The following TMEM260 variants were observed in gnomAD, a reference collection of about 807,000 sequenced individuals.
The protein encoded by TMEM260 is transmembrane protein 260.
TMEM260 carries 82 observed loss-of-function variants against 88.9 expected under a neutral mutation model. The observed-to-expected ratio is 0.92, with a 90% CI of 0.77 to 1.11. TMEM260 has a LOEUF of 1.11. TMEM260 is among the 50% of genes least tolerant of loss of function. The pLI is 0.00. For synonymous variants in TMEM260, 314 were observed against 309.3 expected (o/e 1.02, Z -0.16); for missense variants, 902 against 853.4 (o/e 1.06, Z -0.71).
chr14:56,649,768 G>A (rs1327350734), downstream of TMEM260, among the ~76,000 whole-genome samples: 3 of 152,112 alleles, frequency 2.0e-5, no homozygotes, highest in African/African-American at 4.8e-5. Context: ...TATGTGTATG[G>A]CTGAATGTGC....
chr14:56,624,515 G>A (rs567806356), intron 11 of TMEM260, among the ~76,000 whole-genome samples: 5 of 152,328 alleles, frequency 3.3e-5, no homozygotes, highest in Admixed American at 6.5e-5. Flanking sequence ...CTTGCAGTGG[G>A]CTGAGATCAT....
In TMEM260 at chr14:56,621,612, C is replaced by G; in HGVS notation, c.1308C>G (p.Ile436Met). 6.2e-7 allele frequency: 1 copy of G among 1,613,632 alleles called. No homozygotes were observed. The highest frequency in any genetic ancestry group is 8.5e-7 in the Non-Finnish European group (1 of 1,179,766). Residue 436 changes from isoleucine to methionine, a missense_variant, in exon 11 of 16, where the codon ATC (isoleucine) becomes ATG (methionine). Ile to Met is a conservative substitution (Grantham distance 10, BLOSUM62 1). Coordinates refer to ENST00000261556, the MANE Select transcript of TMEM260 (RefSeq NM_017799.4). Reference sequence around the variant, plus strand: ...CCTCTATGCCTCATGATGCAATTATCTTACTCAGAGGAGATTTGCCAGGAA... The same window carrying G: ...CCTCTATGCCTCATGATGCAATTATGTTACTCAGAGGAGATTTGCCAGGAA... ...LLTSMPHDAI[I>M]LLRGDLPGNS...
chr14:56,627,185 A>T (rs1254801914), intron 12 of TMEM260, among the ~76,000 whole-genome samples: 1 of 152,208 alleles, frequency 6.6e-6, no homozygotes, highest in African/African-American at 2.4e-5. Context: ...TGACTAACAA[A>T]GATCACTGCA....
intron 11 of TMEM260, 30 bp downstream of exon 11, chr14:56,621,732 T>C: frequency 1.3e-6 from 2 of 1,556,110 alleles, no homozygotes; most frequent in Non-Finnish European, 1.7e-6. Context: ...ACTTAGAATA[T>C]AGCGATGATT....
chr14:56,641,937 G>C (rs1889625411), intron 15 of TMEM260, among the ~76,000 whole-genome samples: 1 of 152,114 alleles, frequency 6.6e-6, no homozygotes. Context: ...AATAGTAAAG[G>C]GATCAATTCA....
chr14:56,606,737 CAAA>C, intron 5 of TMEM260, among the ~76,000 whole-genome samples: 1 of 151,734 alleles, frequency 6.6e-6, no homozygotes, highest in South Asian at 2.1e-4. Context: ...ACTAAAAATA[CAAA>C]AAAAAGTAGC....
At chr14:56,638,643 G>A (rs1258729968) in intron 15 of TMEM260, among the ~76,000 whole-genome samples, 1 of 151,970 alleles carries the variant, frequency 6.6e-6, no homozygotes, top group Non-Finnish European at 1.5e-5. Context: ...AGACAAATGA[G>A]GCCAATTACT....
intron 1 of TMEM260, among the ~76,000 whole-genome samples, chr14:56,581,610 G>A (rs1351222220): frequency 6.6e-6 from 1 of 152,152 alleles, no homozygotes; most frequent in Non-Finnish European, 1.5e-5. Context: ...AATAACTGAC[G>A]TTTGTTGGGC....
intron 12 of TMEM260, among the ~76,000 whole-genome samples, chr14:56,627,658 T>A (rs8012885): frequency 4.6e-5 from 7 of 151,768 alleles, no homozygotes; most frequent in African/African-American, 7.3e-5. Flanking sequence ...GAGATATTTT[T>A]CCCCCCCAAA....
At position 56,644,744 on chromosome 14, in the gene TMEM260, A is replaced by G. The variant is rs116586155; in HGVS notation, c.1870-2499A>G. ...TACAGAATGGGAGAAAATTTTTGCA[A>G]CTTACTCGACAAAGGGCTAATATCC... On this transcript the variant is annotated intron_variant, in intron 15 of 15. Coordinates refer to ENST00000261556, the MANE Select transcript of TMEM260 (RefSeq NM_017799.4). 8.9e-3 allele frequency among the ~76,000 whole-genome samples: 1,357 copies of G among 152,334 alleles called. 27 individuals carry two copies. Among genetic ancestry groups the G allele is most frequent in the African/African-American group, 0.031 (1,305 of 41,564 alleles).
rs771504050 is a variant in TMEM260, at chr14:56,625,375, C to G, written c.1399-7C>G. The stretch of plus-strand genomic sequence containing the variant: ...AAGTCTGACATTATGTGTGACTTTT[C>G]TGGCAGATGATGACTTACGAGTGGT... On this transcript the variant is annotated splice_region_variant and splice_polypyrimidine_tract_variant and intron_variant, in intron 11 of 15. Coordinates refer to ENST00000261556, the MANE Select transcript of TMEM260 (RefSeq NM_017799.4). The G allele has an allele frequency of 4.5e-5, 72 of 1,609,830 alleles. No individual in the cohort carries two copies. The highest frequency in any genetic ancestry group is 6.0e-5 in the Non-Finnish European group (71 of 1,179,032).
intron 8 of TMEM260, 64 bp downstream of exon 8, chr14:56,616,091 G>C (rs1204653991): frequency 3.3e-6 from 4 of 1,197,592 alleles, no homozygotes. Flanking sequence ...AATGTTTTCA[G>C]TATGTCGCTG....
Position 56,621,627 on chromosome 14 carries a change from T to A in TMEM260, c.1323T>A (p.Asp441Glu). 6.2e-7 allele frequency: 1 copy of A among 1,613,574 alleles called. No homozygotes were observed. Among genetic ancestry groups the A allele is most frequent in the South Asian group, 1.1e-5 (1 of 90,948 alleles). Residue 441 changes from aspartate to glutamate, a missense_variant, in exon 11 of 16, where the codon GAT becomes GAA. By Grantham distance (45) the Asp-to-Glu change is conservative. Transcript: ENST00000261556. ...PHDAIILLRG[D>E]LPGNSLRYMH... is the part of the protein sequence containing the mutation. ...ATGCAATTATCTTACTCAGAGGAGA[T>A]TTGCCAGGAAATTCTCTCCGTTACA...
At chr14:56,645,343 G>A (rs1041529950) in intron 15 of TMEM260, among the ~76,000 whole-genome samples, 11 of 151,992 alleles carry the variant, frequency 7.2e-5, no homozygotes, top group Non-Finnish European at 1.3e-4. Context: ...GTCCTTTGTA[G>A]GGACATGGAT....
intron 2 of TMEM260, 32 bp downstream of exon 2, chr14:56,585,064 T>C: frequency 6.3e-7 from 1 of 1,597,440 alleles, no homozygotes; most frequent in Non-Finnish European, 8.6e-7. Context: ...TAATCAATGC[T>C]CTCATTAACA....
chr14:56,606,834 G>A (rs1478545572), intron 5 of TMEM260, among the ~76,000 whole-genome samples: 1 of 152,232 alleles, frequency 6.6e-6, no homozygotes, highest in Non-Finnish European at 1.5e-5. Flanking sequence ...GGAGGAGGTT[G>A]CAGTGAGCCG....
At chr14:56,590,365 T>C (rs1403788958) in intron 3 of TMEM260, among the ~76,000 whole-genome samples, 4 of 152,230 alleles carry the variant, frequency 2.6e-5, no homozygotes, top group Non-Finnish European at 4.4e-5. Context: ...CTGCCTGGCC[T>C]AATCCCTTTG....
intron 12 of TMEM260, among the ~76,000 whole-genome samples, chr14:56,631,448 C>T (rs1181051433): frequency 6.6e-6 from 1 of 152,064 alleles, no homozygotes; most frequent in Non-Finnish European, 1.5e-5. Context: ...CATGGCAAAA[C>T]CCTGTCTCTA....
chr14:56,633,307 A>G (rs1888768348), intron 13 of TMEM260, 136 bp downstream of exon 13: 1 of 631,072 alleles, frequency 1.6e-6, no homozygotes, highest in Admixed American at 3.2e-5. Context: ...CCCACAAAAT[A>G]CCATAAAACA....
Sources: gnomAD v4.1 joint callset for allele counts (sites outside exome capture counted in the v4.1 genomes callset) on GRCh38, gnomAD v4.1.1 for gene constraint, MANE v1.5 for transcripts, NCBI Gene and HGNC (gene_info 2026-07-23, HGNC 2026-07-21) for gene names.